The following ALPK1 variants were observed in gnomAD, a reference collection of about 807,000 sequenced individuals.
ALPK1 encodes the protein alpha kinase 1, also known as alpha-protein kinase 1.
In ALPK1, 110 loss-of-function variants were observed where a neutral mutation model predicts 120.6. The ratio of observed to expected loss-of-function variants is 0.91; its 90% CI spans 0.78 to 1.07. ALPK1 has a LOEUF of 1.07. ALPK1 is among the 50% of genes least tolerant of loss of function. The probability of loss-of-function intolerance (pLI) is 0.00; values close to 1 mark genes in which losing one functional copy is unlikely to be tolerated. For synonymous variants in ALPK1, 582 were observed against 560.3 expected (o/e 1.04, Z -0.55); for missense variants, 1,498 against 1,483.9 (o/e 1.01, Z -0.16).
chr4:112,402,837 T>A (rs1732980011), intron 4 of ALPK1, among the ~76,000 whole-genome samples: 1 of 152,214 alleles, frequency 6.6e-6, no homozygotes, highest in South Asian at 2.1e-4. Flanking sequence ...CTATACTATG[T>A]TCATCCCAAC....
intron 5 of ALPK1, chr4:112,423,631 C>T (rs550211053): frequency 3.4e-5 from 16 of 471,974 alleles, no homozygotes; most frequent in Admixed American, 1.4e-4. Context: ...CACAGGGAGG[C>T]GGCACAGCCT....
At position 112,368,757 on chromosome 4, in the gene ALPK1, A is replaced by T. The variant is rs1731264885; in HGVS notation, c.-100-8921A>T. Among the ~76,000 whole-genome samples, 2 of 152,222 alleles carry T rather than the reference A, an allele frequency of 1.3e-5. 1 individual carries two copies. The highest frequency in any genetic ancestry group is 4.1e-4 in the South Asian group (2 of 4,832). On this transcript the variant is annotated intron_variant, in intron 2 of 15. Coordinates refer to ENST00000650871, the MANE Select transcript of ALPK1 (RefSeq NM_025144.4). ...CATCAAGCAGCATGTTTTGCCACAG[A>T]CAATTTTCCTGGGAGGTGAGGGGAG...
At chr4:112,342,619 A>T (rs1029813201) in intron 2 of ALPK1, among the ~76,000 whole-genome samples, 2 of 152,228 alleles carry the variant, frequency 1.3e-5, no homozygotes, top group Non-Finnish European at 2.9e-5. Flanking sequence ...AAAAGCTAGT[A>T]TAACACAATG....
At chr4:112,358,653 A>G in intron 2 of ALPK1, 1 of 711,072 alleles carries the variant, frequency 1.4e-6, no homozygotes, top group Non-Finnish European at 2.5e-6. Context: ...GCAGGCCCAC[A>G]GGTGCTCCAC....
rs1251744574 is a variant in ALPK1 at position 112,441,664 on chromosome 4, C to A, written c.*454C>A. On this transcript the variant is annotated 3_prime_UTR_variant, in exon 16 of 16. Transcript: ENST00000650871. ...GACTTTGCATAAAAGTTTATCTGTG[C>A]ATAATTTTATATGTAGTTGAATTCA... is the stretch of plus-strand genomic sequence containing the variant. 6.2e-6 allele frequency: 1 copy of A among 162,472 alleles called. No homozygotes were observed. Among genetic ancestry groups the A allele is most frequent in the Non-Finnish European group, 1.3e-5 (1 of 74,446 alleles). 10.1% of individuals were successfully genotyped at this position (162,472 alleles called of 1,614,324 possible).
Position 112,432,004 on chromosome 4 carries a change from C to T in ALPK1, c.2457C>T (p.Ser819=). The change falls in exon 11 of 16, where the codon AGC becomes AGT. Residue 819 remains serine (S), a synonymous_variant. Transcript: ENST00000650871. ...SLGNISMLPC[S]SFTPNWPVQN... ...GAAACATTTCCATGCTGCCATGTAG[C>T]TCCTTCACCCCTAATTGGCCTGTTC... 2.5e-6 allele frequency: 4 copies of T among 1,614,098 alleles called. No homozygotes were observed. The highest frequency in any genetic ancestry group is 2.5e-6 in the Non-Finnish European group (3 of 1,179,982).
At chr4:112,327,241 T>G (rs956221060) in intron 2 of ALPK1, among the ~76,000 whole-genome samples, 6 of 152,252 alleles carry the variant, frequency 3.9e-5, no homozygotes, top group African/African-American at 1.4e-4. Context: ...AGCTCTGTGA[T>G]CTTTAATAAA....
intron 2 of ALPK1, among the ~76,000 whole-genome samples, chr4:112,371,757 C>T (rs1044957962): frequency 6.6e-5 from 10 of 152,128 alleles, no homozygotes; most frequent in African/African-American, 2.4e-4. Flanking sequence ...ATTTAGTAAT[C>T]GACTTCTAAA....
intron 1 of ALPK1, among the ~76,000 whole-genome samples, 196 bp from the exon 2 acceptor site, chr4:112,315,605 A>C (rs1252807445): frequency 6.6e-6 from 1 of 152,214 alleles, no homozygotes; most frequent in African/African-American, 2.4e-5. Flanking sequence ...TTTTATATCT[A>C]AAGTGATGAA....
intron 1 of ALPK1, among the ~76,000 whole-genome samples, chr4:112,312,313 G>A (rs975054405): frequency 6.6e-5 from 10 of 150,592 alleles, no homozygotes; most frequent in Non-Finnish European, 1.2e-4. Context: ...TTGCTCTGTC[G>A]CCCAGGCTGG....
chr4:112,398,727 A>G (rs571011292), intron 4 of ALPK1, among the ~76,000 whole-genome samples: 2 of 152,292 alleles, frequency 1.3e-5, no homozygotes, highest in East Asian at 3.9e-4. Flanking sequence ...CACCAGAGGC[A>G]AGAGCAGGGA....
At chr4:112,381,958 G>A (rs1250863631) in intron 3 of ALPK1, among the ~76,000 whole-genome samples, 1 of 152,216 alleles carries the variant, frequency 6.6e-6, no homozygotes, top group Admixed American at 6.5e-5. Flanking sequence ...ATGAGAAAGT[G>A]AAGTCTTAGA....
intron 2 of ALPK1, among the ~76,000 whole-genome samples, chr4:112,363,254 G>A (rs4834270): frequency 0.9 from 136,809 of 152,246 alleles, 61,662 homozygotes; most frequent in African/African-American, 0.97. Context: ...ACTAATGTTG[G>A]ATGTAAACGG....
intron 2 of ALPK1, among the ~76,000 whole-genome samples, chr4:112,361,129 GC>G (rs1259336944): frequency 6.6e-6 from 1 of 152,216 alleles, no homozygotes; most frequent in Admixed American, 6.5e-5. Flanking sequence ...GGACAGAACA[GC>G]ATGCAGAGAC....
intron 4 of ALPK1, among the ~76,000 whole-genome samples, chr4:112,397,856 C>T (rs945872609): frequency 2.6e-5 from 4 of 152,078 alleles, no homozygotes; most frequent in Admixed American, 1.3e-4. Flanking sequence ...CTTACTACCT[C>T]GAGTTTCTGA....
At chr4:112,297,800 C>T (rs144773194) in intron 1 of ALPK1, among the ~76,000 whole-genome samples, 38 of 152,110 alleles carry the variant, frequency 2.5e-4, no homozygotes, top group Non-Finnish European at 4.6e-4. Context: ...AGCTTCTGGT[C>T]TTGTCACTTA....
intron 2 of ALPK1, among the ~76,000 whole-genome samples, chr4:112,374,632 A>G (rs1731570025): frequency 6.6e-6 from 1 of 152,242 alleles, no homozygotes; most frequent in South Asian, 2.1e-4. Context: ...ACTATAAGCT[A>G]TAGCCTTATG....
At chr4:112,423,464 G>A (rs946608434) in intron 5 of ALPK1, among the ~76,000 whole-genome samples, 2 of 152,188 alleles carry the variant, frequency 1.3e-5, no homozygotes, top group Non-Finnish European at 2.9e-5. Context: ...TCCAACAGGT[G>A]TCCATAGAAT....
At chr4:112,373,840 T>C (rs1011823379) in intron 2 of ALPK1, among the ~76,000 whole-genome samples, 4 of 152,248 alleles carry the variant, frequency 2.6e-5, no homozygotes, top group African/African-American at 9.6e-5. Context: ...ACAATCATAC[T>C]ATGTCTAAAA....
Sources: allele counts gnomAD v4.1 joint callset (sites outside exome capture counted in the v4.1 genomes callset), GRCh38; gene constraint gnomAD v4.1.1; transcripts MANE v1.5; gene names NCBI Gene and HGNC (gene_info 2026-07-23, HGNC 2026-07-21).